The following CACNA1B variants were observed in gnomAD, a reference collection of about 807,000 sequenced individuals.
The protein encoded by CACNA1B is voltage-dependent N-type calcium channel subunit alpha-1B.
CACNA1B carries 70 observed loss-of-function variants against 247.2 expected under a neutral mutation model. That is an observed-to-expected ratio of 0.28 (90% confidence interval 0.23 to 0.35). The LOEUF is 0.35. Ranked by LOEUF, CACNA1B falls within the 10% of genes least tolerant of loss-of-function variation. CACNA1B has a pLI of 1.00. For missense variants in CACNA1B, 2,367 were observed against 3,197.4 expected (o/e 0.74, Z 6.26); for synonymous variants, 1,231 against 1,294.4 (o/e 0.95, Z 1.05).
Position 137,946,057 on chromosome 9 carries a change from T to G in CACNA1B, c.967-6217T>G, listed in dbSNP as rs148562029. Among the ~76,000 whole-genome samples, 450 of 152,276 alleles carry G rather than the reference T, an allele frequency of 3.0e-3. 3 individuals are homozygous for G. Among genetic ancestry groups the G allele is most frequent in the African/African-American group, 0.01 (420 of 41,562 alleles). On this transcript the variant is annotated intron_variant, in intron 6 of 46. Coordinates refer to ENST00000371372, the MANE Select transcript of CACNA1B (RefSeq NM_000718.4). ...GGCTGGTCTCGAACTCCTGACCTCGTGATCCACCTGCCTTGGCCTCCCAGA... is the reference window on the plus strand; with the variant it reads ...GGCTGGTCTCGAACTCCTGACCTCGGGATCCACCTGCCTTGGCCTCCCAGA...
rs548375396 is a variant in CACNA1B, at chr9:138,000,340, A to T, written c.1975-6427A>T. ...GTCTCGATCTCCTGACCTCGTGATCAGCCCGCCTTGGCCTCCCAAAGTGCT... is the reference window on the plus strand; with the variant it reads ...GTCTCGATCTCCTGACCTCGTGATCTGCCCGCCTTGGCCTCCCAAAGTGCT... On this transcript the variant is annotated intron_variant, in intron 15 of 46. Transcript: ENST00000371372. Among the ~76,000 whole-genome samples the T allele has an allele frequency of 3.7e-3, 570 of 152,058 alleles. 1 individual carries two copies. The highest frequency in any genetic ancestry group is 5.0e-3 in the Non-Finnish European group (341 of 67,962).
At chr9:137,887,957 T>G (rs1957039415) in intron 3 of CACNA1B, among the ~76,000 whole-genome samples, 2 of 138,668 alleles carry the variant, frequency 1.4e-5, no homozygotes, top group African/African-American at 2.7e-5. Flanking sequence ...TCCACTGGGG[T>G]GGGGTGGCCC....
At position 138,114,228 on chromosome 9, in the gene CACNA1B, C is replaced by G. The variant is rs539124934; in HGVS notation, c.5537-150C>G. 1,260 of 596,020 alleles carry G rather than the reference C, an allele frequency of 2.1e-3. 8 individuals are homozygous for G. Among genetic ancestry groups the G allele is most frequent in the Non-Finnish European group, 1.8e-3 (613 of 332,634 alleles). The allele number at this position is 596,020 out of a possible 1,614,324, so 36.9% of individuals were successfully genotyped here. ...ACTCCTGGTGGCCGAGCCCCATGTT[C>G]TGCCTGAGAGCCCTCTGTCCCAGTG... On this transcript the variant is annotated intron_variant, in intron 40 of 46. Coordinates refer to ENST00000371372, the MANE Select transcript of CACNA1B (RefSeq NM_000718.4).
Position 138,109,141 on chromosome 9 carries a change from A to G in CACNA1B, c.5429-3257A>G, listed in dbSNP as rs117274351. 2.9e-4 allele frequency among the ~76,000 whole-genome samples: 44 copies of G among 152,352 alleles called. No individual in the cohort carries two copies. In the East Asian group the frequency reaches 8.3e-3, roughly 29 times the overall value. ...ATTCATGATTTTTAAAATTTTACAT[A>G]AAGTAGGAATTAAGGAAAGCTTCAT... On this transcript the variant is annotated intron_variant, in intron 39 of 46. Coordinates refer to ENST00000371372, the MANE Select transcript of CACNA1B (RefSeq NM_000718.4).
intron 36 of CACNA1B, among the ~76,000 whole-genome samples, chr9:138,084,533 T>C (rs1295899863): frequency 6.6e-6 from 1 of 151,302 alleles, no homozygotes; most frequent in Non-Finnish European, 1.5e-5. Flanking sequence ...CCACTGCACC[T>C]GGAAACAGAG....
chr9:137,983,290 T>C (rs1958315796), intron 12 of CACNA1B, among the ~76,000 whole-genome samples: 1 of 152,210 alleles, frequency 6.6e-6, no homozygotes, highest in African/African-American at 2.4e-5. Context: ...TCCTGCTGAC[T>C]GTGAGCCCAG....
intron 6 of CACNA1B, among the ~76,000 whole-genome samples, chr9:137,923,637 A>G (rs1358156510): frequency 1.3e-5 from 2 of 152,248 alleles, no homozygotes; most frequent in Admixed American, 6.5e-5. Flanking sequence ...TTGTGCAAAC[A>G]TAAGTTTTCA....
chr9:137,949,307 T>C (rs1478157760), intron 6 of CACNA1B, among the ~76,000 whole-genome samples: 1 of 145,810 alleles, frequency 6.9e-6, no homozygotes, highest in African/African-American at 2.6e-5. Context: ...GTGTCTGGTG[T>C]GTGTGGTGTA....
Position 138,025,083 on chromosome 9 carries a change from G to A in CACNA1B, c.3197G>A (p.Arg1066His), listed in dbSNP as rs375412976. Residue 1066 changes from arginine to histidine, a missense_variant, in exon 20 of 47, where the codon CGC becomes CAC. Physicochemically the swap from Arg to His is conservative, Grantham distance 29. This residue lies in a region of CACNA1B where 631 missense variants were observed against 631.1 expected (regional missense o/e 1.00). Coordinates refer to ENST00000371372, the MANE Select transcript of CACNA1B (RefSeq NM_000718.4). ...EDADNQRNVTRMGSQPPDPNT... is the reference protein window; with the variant it reads ...EDADNQRNVTHMGSQPPDPNT... ...GCAGACAATCAGCGGAACGTCACTC[G>A]CATGGGCAGTCAGCCCCCAGACCCG... The A allele has an allele frequency of 6.8e-6, 11 of 1,612,974 alleles. No individual in the cohort carries two copies. The highest frequency in any genetic ancestry group is 9.3e-6 in the Non-Finnish European group (11 of 1,179,492).
At position 138,073,811 on chromosome 9, in the gene CACNA1B, G is replaced by A. The variant is rs1960215796; in HGVS notation, c.4792-190G>A. 6.6e-6 allele frequency among the ~76,000 whole-genome samples: 1 copy of A among 152,216 alleles called. No homozygotes were observed. Reference sequence around the variant, plus strand: ...TGGTCATGCTCACAAGAACCCTGAGGTGGGTTTCATGACTCCGAGTTAGAG... The same window carrying A: ...TGGTCATGCTCACAAGAACCCTGAGATGGGTTTCATGACTCCGAGTTAGAG... On this transcript the variant is annotated intron_variant, in intron 33 of 46. Coordinates refer to ENST00000371372, the MANE Select transcript of CACNA1B (RefSeq NM_000718.4). This position sits in a 1 kb window ranked among gnomAD's most constrained non-coding sequence, Gnocchi z 6.4.
At chr9:138,004,342 G>A (rs1958620048) in intron 15 of CACNA1B, among the ~76,000 whole-genome samples, 1 of 151,940 alleles carries the variant, frequency 6.6e-6, no homozygotes, top group South Asian at 2.1e-4. Flanking sequence ...GAGCCCAGGG[G>A]TTCAAGACCA....
At position 137,914,817 on chromosome 9, in the gene CACNA1B, G is replaced by A; in HGVS notation, c.775+11G>A. 6.2e-7 allele frequency: 1 copy of A among 1,613,694 alleles called. No homozygotes were observed. Among genetic ancestry groups the A allele is most frequent in the Non-Finnish European group, 8.5e-7 (1 of 1,179,728 alleles). ...TCCCCAACAGCACAGGTGAGGCCAG[G>A]CAGCACCCTCCAGCACAGGCAAGTG... On this transcript the variant is annotated intron_variant, in intron 5 of 46. Transcript: ENST00000371372. The surrounding 1 kb of genome is among the most constrained non-coding windows in gnomAD (Gnocchi z 4.3).
chr9:138,085,127 A>T (rs1261185178), intron 36 of CACNA1B, among the ~76,000 whole-genome samples: 2 of 150,974 alleles, frequency 1.3e-5, no homozygotes, highest in Non-Finnish European at 2.9e-5. Flanking sequence ...CAATGAAATC[A>T]GAAATGCAAT....
At chr9:138,009,151 A>G (rs1218189258) in intron 16 of CACNA1B, among the ~76,000 whole-genome samples, 1 of 152,174 alleles carries the variant, frequency 6.6e-6, no homozygotes, top group Admixed American at 6.5e-5. Context: ...TGGTCCCGCG[A>G]GCTTTGAGAA....
intron 3 of CACNA1B, among the ~76,000 whole-genome samples, chr9:137,884,954 T>TC (rs5901125): frequency 4.1e-5 from 3 of 73,918 alleles, no homozygotes; most frequent in African/African-American, 1.3e-4. Context: ...TCCTCTCCCC[T>TC]CTTCCCCCCC....
At chr9:138,002,500 T>C (rs539438594) in intron 15 of CACNA1B, among the ~76,000 whole-genome samples, 1 of 151,218 alleles carries the variant, frequency 6.6e-6, no homozygotes, top group South Asian at 2.1e-4. Context: ...CTTGAGGCTC[T>C]TAAGTTCAAG....
intron 3 of CACNA1B, among the ~76,000 whole-genome samples, chr9:137,903,150 G>A (rs1957258277): frequency 1.3e-5 from 2 of 152,174 alleles, no homozygotes; most frequent in Middle Eastern, 3.2e-3. Flanking sequence ...TTGGGAGGCT[G>A]AGGCGGGCGG....
At chr9:137,988,322 A>T (rs192278613) in intron 15 of CACNA1B, among the ~76,000 whole-genome samples, 2 of 152,164 alleles carry the variant, frequency 1.3e-5, no homozygotes, top group Non-Finnish European at 2.9e-5. Context: ...CAGGTGTGGG[A>T]TGGGAAACTC....
Position 138,058,187 on chromosome 9 carries a change from C to T in CACNA1B, c.4245C>T (p.Ile1415=), listed in dbSNP as rs1177590606. ...TCGTCAACATCTTTGTGGCTTTGAT[C>T]ATCATCACCTTCCAGGAGCAGGGGG... The part of the protein sequence containing the change: ...FFFVNIFVAL[I]IITFQEQGDK... Residue 1415 remains isoleucine, a synonymous_variant, in exon 28 of 47, where the codon ATC becomes ATT. Coordinates refer to ENST00000371372, the MANE Select transcript of CACNA1B (RefSeq NM_000718.4). The surrounding 1 kb of genome is among the most constrained non-coding windows in gnomAD (Gnocchi z 4.7). The T allele has an allele frequency of 3.1e-6, 5 of 1,613,998 alleles. No individual in the cohort carries two copies. Among genetic ancestry groups the T allele is most frequent in the Non-Finnish European group, 4.2e-6 (5 of 1,179,850 alleles).
Sources: gnomAD v4.1 joint callset for allele counts (sites outside exome capture counted in the v4.1 genomes callset) on GRCh38, gnomAD v4.1.1 for gene constraint, gnomAD v4.1.1 regional missense constraint, Gnocchi (gnomAD v3.1) non-coding constraint, MANE v1.5 for transcripts, NCBI Gene and HGNC (gene_info 2026-07-23, HGNC 2026-07-21) for gene names.